The following RMST variants were observed in gnomAD, a reference collection of about 807,000 sequenced individuals.
RMST encodes rhabdomyosarcoma 2 associated transcript.
intron 5 of RMST, among the ~76,000 whole-genome samples, chr12:97,485,855 A>G (rs1876034666): frequency 1.3e-5 from 2 of 152,214 alleles, no homozygotes; most frequent in Admixed American, 1.3e-4. Context: ...GGGCCTCTCC[A>G]CATGTAGGCC....
intron 10 of RMST, among the ~76,000 whole-genome samples, chr12:97,526,863 T>C (rs1452495765): frequency 6.6e-6 from 1 of 152,172 alleles, no homozygotes; most frequent in African/African-American, 2.4e-5. Context: ...AGTGCATTTA[T>C]TGGATATCTA....
intron 10 of RMST, among the ~76,000 whole-genome samples, chr12:97,501,810 G>T (rs1878105909): frequency 6.6e-6 from 1 of 152,176 alleles, no homozygotes; most frequent in Non-Finnish European, 1.5e-5. Context: ...ACAGAAAATA[G>T]ATGAGAGAAC....
At chr12:97,546,521 G>A (rs1474703503) in intron 11 of RMST, among the ~76,000 whole-genome samples, 1 of 151,934 alleles carries the variant, frequency 6.6e-6, no homozygotes, top group East Asian at 1.9e-4. Flanking sequence ...GGTGGAGGTT[G>A]CAGTGAACCG....
At chr12:97,551,296 G>A (rs1281266627) in intron 11 of RMST, among the ~76,000 whole-genome samples, 2 of 149,918 alleles carry the variant, frequency 1.3e-5, no homozygotes, top group Non-Finnish European at 2.9e-5. Flanking sequence ...TAGAAAGGTA[G>A]ATAAAGGAGA....
At chr12:97,491,926 A>C (rs889522549) in intron 5 of RMST, 6 of 533,350 alleles carry the variant, frequency 1.1e-5, no homozygotes, top group Admixed American at 9.7e-5. Context: ...CTAGCTGCCA[A>C]AGGCGCTTCT....
At chr12:97,500,340 A>G (rs1458407489) in intron 10 of RMST, among the ~76,000 whole-genome samples, 1 of 152,172 alleles carries the variant, frequency 6.6e-6, no homozygotes, top group South Asian at 2.1e-4. Flanking sequence ...TGAATCAGTC[A>G]TGGATTTCAG....
chr12:97,528,357 A>G lies in RMST; in HGVS notation n.1341-2298A>G, dbSNP rs1592746597. 3.9e-5 allele frequency among the ~76,000 whole-genome samples: 6 copies of G among 152,122 alleles called. No individual in the cohort carries two copies. In the South Asian group the frequency reaches 1.2e-3, roughly 32 times the overall value. ...AATGACTGCCTATGATTAATTGCCA[A>G]ATTTATTTCTTGATTTCCTTCTTTG... On this transcript the variant is annotated intron_variant and non_coding_transcript_variant, in intron 10 of 13. Transcript: ENST00000640149.
At chr12:97,482,675 T>G (rs1043730540) in intron 5 of RMST, among the ~76,000 whole-genome samples, 6 of 105,332 alleles carry the variant, frequency 5.7e-5, no homozygotes, top group African/African-American at 2.3e-4. Flanking sequence ...TTATTTAATA[T>G]TTAATTTATT....
intron 11 of RMST, among the ~76,000 whole-genome samples, chr12:97,558,486 A>G (rs1375740741): frequency 6.6e-6 from 1 of 152,252 alleles, no homozygotes; most frequent in East Asian, 1.9e-4. Flanking sequence ...GCAGATGTCC[A>G]AAGATATTTT....
chr12:97,517,248 G>T (rs527521780), intron 10 of RMST, among the ~76,000 whole-genome samples: 7 of 152,044 alleles, frequency 4.6e-5, no homozygotes, highest in African/African-American at 1.4e-4. Flanking sequence ...AAGGAAGCCA[G>T]CTTCTCCTTC....
intron 10 of RMST, chr12:97,530,582 T>C (rs1207134041): frequency 6.6e-6 from 1 of 152,076 alleles, no homozygotes; most frequent in Non-Finnish European, 1.5e-5. Context: ...CTGTGACACG[T>C]ATGAGAAAGG....
intron 5 of RMST, among the ~76,000 whole-genome samples, chr12:97,468,593 G>A (rs1181959804): frequency 1.3e-5 from 2 of 151,972 alleles, no homozygotes; most frequent in African/African-American, 4.8e-5. Flanking sequence ...TGCAGTTACT[G>A]AAGTATACTA....
chr12:97,480,245 A>G (rs1329808266), intron 5 of RMST, among the ~76,000 whole-genome samples: 10 of 151,268 alleles, frequency 6.6e-5, no homozygotes, highest in African/African-American at 2.2e-4. Flanking sequence ...GCCCACCACC[A>G]CGCCTGGCTA....
At chr12:97,493,260 G>A (rs903159718) in exon 7 of RMST, 1 of 152,556 alleles carries the variant, frequency 6.6e-6, no homozygotes, top group African/African-American at 2.4e-5. Context: ...GAACCACGGA[G>A]ACTTGGTAGT....
chr12:97,471,838 G>A (rs899114232), intron 5 of RMST, among the ~76,000 whole-genome samples: 10 of 152,138 alleles, frequency 6.6e-5, no homozygotes, highest in Non-Finnish European at 1.3e-4. Flanking sequence ...GTCGCCATCA[G>A]TTGAGTTGGT....
chr12:97,503,624 G>A (rs1039001199), intron 10 of RMST, among the ~76,000 whole-genome samples: 3 of 152,152 alleles, frequency 2.0e-5, no homozygotes, highest in Non-Finnish European at 2.9e-5. Flanking sequence ...AGGCCTCCTC[G>A]TGATGTCTGG....
intron 10 of RMST, among the ~76,000 whole-genome samples, chr12:97,506,034 C>T (rs1375329457): frequency 6.6e-6 from 1 of 152,110 alleles, no homozygotes; most frequent in East Asian, 1.9e-4. Context: ...TAAAAACCCA[C>T]ATATTTTAAT....
intron 10 of RMST, among the ~76,000 whole-genome samples, chr12:97,496,533 T>C (rs1877435059): frequency 6.6e-6 from 1 of 152,244 alleles, no homozygotes; most frequent in African/African-American, 2.4e-5. Flanking sequence ...GTTCTGTTAA[T>C]TTGATTACTG....
chr12:97,493,035 G>A (rs1374789451), intron 6 of RMST: 1 of 152,256 alleles, frequency 6.6e-6, no homozygotes, highest in African/African-American at 2.4e-5. Flanking sequence ...TTAAACAGTA[G>A]TAATGGCTCA....
Sources: gnomAD v4.1 joint callset for allele counts (sites outside exome capture counted in the v4.1 genomes callset) on GRCh38, gnomAD v4.1.1 for gene constraint, MANE v1.5 for transcripts, NCBI Gene and HGNC (gene_info 2026-07-23, HGNC 2026-07-21) for gene names.